The following KLF12 variants were observed in gnomAD, a reference collection of about 807,000 sequenced individuals.
The protein encoded by KLF12 is Krueppel-like factor 12.
KLF12 carries 9 observed loss-of-function variants against 37.8 expected under a neutral mutation model. That is an observed-to-expected ratio of 0.24 (90% CI 0.14 to 0.42). KLF12 has a LOEUF of 0.42. KLF12 is among the 10% of genes least tolerant of loss of function. The probability of loss-of-function intolerance (pLI) is 1.00; values close to 1 mark genes in which losing one functional copy is unlikely to be tolerated. For missense variants in KLF12, 411 were observed against 516.0 expected (o/e 0.80, Z 1.97); for synonymous variants, 208 against 202.1 (o/e 1.03, Z -0.25).
At chr13:73,937,683 T>C (rs887219919) in intron 3 of KLF12, among the ~76,000 whole-genome samples, 1 of 152,208 alleles carries the variant, frequency 6.6e-6, no homozygotes, top group African/African-American at 2.4e-5. Context: ...CTCAACTTCA[T>C]AGCTTTGCCC....
chr13:73,863,133 T>A (rs1049579017), intron 3 of KLF12, among the ~76,000 whole-genome samples: 7 of 152,170 alleles, frequency 4.6e-5, no homozygotes, highest in Non-Finnish European at 7.4e-5. Context: ...TTCATTTGTA[T>A]TTCTTAAACA....
intron 6 of KLF12, among the ~76,000 whole-genome samples, chr13:73,738,574 T>C (rs1877704809): frequency 6.6e-6 from 1 of 152,144 alleles, no homozygotes; most frequent in African/African-American, 2.4e-5. Context: ...AAATATGTAT[T>C]ATGTTTGGGG....
chr13:74,133,253 G>A (rs1266431755), intron 1 of KLF12, among the ~76,000 whole-genome samples: 1 of 151,652 alleles, frequency 6.6e-6, no homozygotes, highest in Non-Finnish European at 1.5e-5. Context: ...CAGCCCACAC[G>A]GTCCCGGTGC....
chr13:74,101,573 G>A (rs576691284), intron 1 of KLF12, among the ~76,000 whole-genome samples: 2 of 152,070 alleles, frequency 1.3e-5, no homozygotes, highest in Non-Finnish European at 2.9e-5. Flanking sequence ...CTTATCAGGA[G>A]GACAGGGCAG....
Position 73,689,229 on chromosome 13 carries a change from C to T in KLF12, c.*6261G>A, listed in dbSNP as rs1278944791. The T allele has an allele frequency of 6.6e-6, 1 of 152,074 alleles. No individual in the cohort carries two copies. Among genetic ancestry groups the T allele is most frequent in the Middle Eastern group, 3.2e-3 (1 of 316 alleles). 9.4% of individuals were successfully genotyped at this position (152,074 alleles called of 1,614,324 possible). ...TGACACTTAATTGGTTATTTTACCC[C>T]CTTATCCTGGTACATTTCCGTCTCC... is the stretch of plus-strand genomic sequence containing the variant. On this transcript the variant is annotated 3_prime_UTR_variant, in exon 8 of 8. Transcript: ENST00000377669.
At chr13:73,942,057 A>C (rs1392992140) in intron 3 of KLF12, among the ~76,000 whole-genome samples, 2 of 152,232 alleles carry the variant, frequency 1.3e-5, no homozygotes, top group Non-Finnish European at 2.9e-5. Context: ...TCACACTGCA[A>C]AACTGCTGGG....
At chr13:73,751,666 G>A (rs1878764185) in intron 6 of KLF12, among the ~76,000 whole-genome samples, 1 of 152,182 alleles carries the variant, frequency 6.6e-6, no homozygotes, top group Admixed American at 6.5e-5. Context: ...TGAGGTTAGG[G>A]AATATGAACA....
the KLF12 span, among the ~76,000 whole-genome samples, chr13:74,280,339 C>A: frequency 6.6e-6 from 1 of 152,174 alleles, no homozygotes; most frequent in Non-Finnish European, 1.5e-5. Flanking sequence ...CCTTGCTACA[C>A]CCAATACAGA....
chr13:74,135,466 G>C (rs1299918388), upstream of KLF12, among the ~76,000 whole-genome samples: 1 of 151,612 alleles, frequency 6.6e-6, no homozygotes, highest in African/African-American at 2.4e-5. Context: ...GGATCCGCGG[G>C]ATTGTGGGGC....
At chr13:73,903,375 C>G (rs1455619159) in intron 3 of KLF12, among the ~76,000 whole-genome samples, 1 of 151,528 alleles carries the variant, frequency 6.6e-6, no homozygotes, top group Non-Finnish European at 1.5e-5. Context: ...GTAAGTAAAA[C>G]AGTACAAGGG....
At chr13:73,839,798 T>C (rs1278497541) in intron 4 of KLF12, among the ~76,000 whole-genome samples, 1 of 152,166 alleles carries the variant, frequency 6.6e-6, no homozygotes, top group Non-Finnish European at 1.5e-5. Context: ...GACAAAATTG[T>C]TAGGAAAAAG....
chr13:73,691,460 T>C lies in KLF12; in HGVS notation c.*4030A>G, dbSNP rs45604434. 0.012 allele frequency: 1,813 copies of C among 152,760 alleles called. 13 individuals are homozygous for C. The highest frequency in any genetic ancestry group is 0.02 in the Non-Finnish European group (1,351 of 68,020). 9.5% of individuals were successfully genotyped at this position (152,760 alleles called of 1,614,324 possible). ...AAATCTGAGACTGGATTATGAACTATGAATATTAAGGCTTTCTGGGCCTAT... is the reference window on the plus strand; with the variant it reads ...AAATCTGAGACTGGATTATGAACTACGAATATTAAGGCTTTCTGGGCCTAT... On this transcript the variant is annotated 3_prime_UTR_variant, in exon 8 of 8. Coordinates refer to ENST00000377669, the MANE Select transcript of KLF12 (RefSeq NM_007249.5).
At chr13:74,204,623 A>G in the KLF12 span, among the ~76,000 whole-genome samples, 1 of 152,138 alleles carries the variant, frequency 6.6e-6, no homozygotes, top group African/African-American at 2.4e-5. Flanking sequence ...TGCAGTTTTG[A>G]GAGATACATA....
At chr13:73,795,973 T>C (rs10492700) in intron 5 of KLF12, among the ~76,000 whole-genome samples, 12,309 of 152,266 alleles carry the variant, frequency 0.081, 755 homozygotes, top group East Asian at 0.27. Flanking sequence ...TGGCATATAC[T>C]GGGCTTTTAA....
intron 1 of KLF12, among the ~76,000 whole-genome samples, chr13:74,116,918 G>T (rs961026150): frequency 3.9e-5 from 6 of 151,932 alleles, no homozygotes; most frequent in African/African-American, 1.5e-4. Flanking sequence ...AGTTAGCCAA[G>T]AGCAAACGTA....
chr13:73,868,700 T>C (rs1182322205), intron 3 of KLF12, among the ~76,000 whole-genome samples: 8 of 152,120 alleles, frequency 5.3e-5, no homozygotes, highest in African/African-American at 4.8e-5. Flanking sequence ...CTAAAAACAA[T>C]AAGATTGTTA....
intron 3 of KLF12, among the ~76,000 whole-genome samples, chr13:73,936,072 C>A (rs964932083): frequency 6.6e-6 from 1 of 151,916 alleles, no homozygotes; most frequent in Non-Finnish European, 1.5e-5. Flanking sequence ...AGATCTTTGC[C>A]AATTATTTGT....
At chr13:74,144,765 T>C in the KLF12 span, among the ~76,000 whole-genome samples, 2 of 152,200 alleles carry the variant, frequency 1.3e-5, no homozygotes, top group African/African-American at 2.4e-5. Flanking sequence ...ATTTTAGAGC[T>C]GTTATATTGA....
chr13:73,863,330 G>A (rs1444755038), intron 3 of KLF12, among the ~76,000 whole-genome samples: 4 of 152,038 alleles, frequency 2.6e-5, no homozygotes, highest in Admixed American at 6.6e-5. Flanking sequence ...GAGGTGTTAC[G>A]GCATGGGCTG....
Sources: gnomAD v4.1 joint callset for allele counts (sites outside exome capture counted in the v4.1 genomes callset) on GRCh38, gnomAD v4.1.1 for gene constraint, MANE v1.5 for transcripts, NCBI Gene and HGNC (gene_info 2026-07-23, HGNC 2026-07-21) for gene names.